KIF22: variants seen among roughly 807,000 people sequenced by gnomAD.
KIF22 encodes the protein kinesin family member 22.
KIF22 carries 62 observed loss-of-function variants against 73.0 expected under a neutral mutation model. That is an observed-to-expected ratio of 0.85 (90% CI 0.69 to 1.05). KIF22 has a LOEUF of 1.05. KIF22 is among the 50% of genes least tolerant of loss of function. The pLI is 0.00. For synonymous variants in KIF22, 411 were observed against 340.1 expected, an observed-to-expected ratio of 1.21 and a Z score of -2.29; for missense variants, 854 against 870.1, an observed-to-expected ratio of 0.98 and a Z score of 0.23.
Position 29,804,021 on chromosome 16 carries a change from A to G in KIF22, c.1633A>G (p.Asn545Asp), listed in dbSNP as rs781477833. 30 of 1,613,434 alleles carry G rather than the reference A, an allele frequency of 1.9e-5. No individual in the cohort carries two copies. The highest frequency in any genetic ancestry group is 2.7e-5 in the African/African-American group (2 of 74,698). The change falls in exon 11 of 14, where the codon AAT (asparagine) becomes GAT (aspartate). Residue 545 changes from asparagine to aspartate, a missense_variant. Asn to Asp is a conservative substitution (Grantham distance 23). Transcript: ENST00000160827. Reference sequence around the variant, plus strand: ...AGTTCAGGAGCAGGCAGCATCCCCAAATGCCGAGATCCACATCCTGAAGAA... The same window carrying G: ...AGTTCAGGAGCAGGCAGCATCCCCAGATGCCGAGATCCACATCCTGAAGAA... ...QLIQEQAASPNAEIHILKNKG... is the reference protein window; with the variant it reads ...QLIQEQAASPDAEIHILKNKG...
At chr16:29,804,235 C>G (rs1899256987) in intron 11 of KIF22, 170 bp downstream of exon 11, 7 of 650,836 alleles carry the variant, frequency 1.1e-5, no homozygotes, top group Admixed American at 2.3e-5. Flanking sequence ...TGGTTCCTTG[C>G]AGGGCATTTA....
Sources: allele counts gnomAD v4.1 joint callset, GRCh38; gene constraint gnomAD v4.1.1; transcripts MANE v1.5; gene names NCBI Gene and HGNC (gene_info 2026-07-23, HGNC 2026-07-21).